RBPJ: variants seen among roughly 807,000 people sequenced by gnomAD.
RBPJ encodes the protein recombining binding protein suppressor of hairless.
In RBPJ, 9 loss-of-function variants were observed where a neutral mutation model predicts 67.8. The ratio of observed to expected loss-of-function variants is 0.13; its 90% CI spans 0.08 to 0.23. The LOEUF (loss-of-function observed/expected upper bound fraction) is 0.23, where lower values mean the gene tolerates loss of function less well. Among genes scored for constraint, RBPJ ranks in the 10% least tolerant of loss-of-function variants. The pLI is 1.00. For synonymous variants in RBPJ, 198 were observed against 203.3 expected (o/e 0.97, Z 0.22); for missense variants, 305 against 595.6 (o/e 0.51, Z 5.08).
chr4:26,278,962 A>G (rs532204206), intron 1 of RBPJ, among the ~76,000 whole-genome samples: 4 of 152,280 alleles, frequency 2.6e-5, no homozygotes, highest in African/African-American at 9.6e-5. Flanking sequence ...CCGTGGGAGC[A>G]GGGTGGTTGT....
At chr4:26,151,119 G>A in the RBPJ span, among the ~76,000 whole-genome samples, 1 of 152,146 alleles carries the variant, frequency 6.6e-6, no homozygotes, top group African/African-American at 2.4e-5. Flanking sequence ...ATACCAAATG[G>A]CACCGAAGCA....
chr4:26,227,371 G>A (rs928549874), intron 1 of RBPJ, among the ~76,000 whole-genome samples: 1 of 152,130 alleles, frequency 6.6e-6, no homozygotes, highest in Non-Finnish European at 1.5e-5. Flanking sequence ...ATAATAAATG[G>A]AAAATAATAA....
intron 1 of RBPJ, among the ~76,000 whole-genome samples, chr4:26,327,113 T>C (rs555385657): frequency 6.6e-6 from 1 of 152,268 alleles, no homozygotes; most frequent in African/African-American, 2.4e-5. Context: ...CACAGTTCTG[T>C]ATGCCTCTTA....
At chr4:26,145,536 T>A in the RBPJ span, among the ~76,000 whole-genome samples, 103 of 152,374 alleles carry the variant, frequency 6.8e-4, no homozygotes, top group Non-Finnish European at 9.8e-4. Context: ...CAATGTCCTC[T>A]TCTGTAATTG....
chr4:26,375,788 G>GT (rs1319532149), intron 1 of RBPJ, among the ~76,000 whole-genome samples: 4 of 152,220 alleles, frequency 2.6e-5, no homozygotes, highest in African/African-American at 9.6e-5. Context: ...CATGTAGCAA[G>GT]TCAGGGGAAA....
At chr4:26,311,291 C>A (rs1722420780) in intron 1 of RBPJ, among the ~76,000 whole-genome samples, 1 of 152,070 alleles carries the variant, frequency 6.6e-6, no homozygotes, top group Non-Finnish European at 1.5e-5. Context: ...AATCCTAGCA[C>A]TTTGGGAGGT....
At chr4:26,155,347 C>T in the RBPJ span, among the ~76,000 whole-genome samples, 1 of 152,096 alleles carries the variant, frequency 6.6e-6, no homozygotes, top group African/African-American at 2.4e-5. Context: ...GGTGGGGAGC[C>T]AGGGGACCTA....
chr4:26,392,078 A>G (rs78119075), intron 2 of RBPJ, among the ~76,000 whole-genome samples: 2,225 of 152,242 alleles, frequency 0.015, 39 homozygotes, highest in Middle Eastern at 0.051. Flanking sequence ...CCCACCTCCT[A>G]TTAGGTTTCA....
At position 26,420,737 on chromosome 4, in the gene RBPJ, T is replaced by C; in HGVS notation, c.496+12T>C. The C allele has an allele frequency of 1.3e-6, 2 of 1,572,762 alleles. No homozygotes were observed. The highest frequency in any genetic ancestry group is 1.7e-6 in the Non-Finnish European group (2 of 1,159,930). On this transcript the variant is annotated intron_variant, in intron 5 of 10. Transcript: ENST00000355476. ...GAAAAATGCTGACTGTATGTATGCTTTTCTTATTTATCCCCAACTGCCACC... is the reference window on the plus strand; with the variant it reads ...GAAAAATGCTGACTGTATGTATGCTCTTCTTATTTATCCCCAACTGCCACC...
At chr4:26,303,059 T>C (rs777825330) in intron 1 of RBPJ, among the ~76,000 whole-genome samples, 2 of 151,824 alleles carry the variant, frequency 1.3e-5, no homozygotes, top group African/African-American at 2.4e-5. Flanking sequence ...CGCATGCCTG[T>C]AGTCTCAGCT....
Position 26,255,608 on chromosome 4 carries a change from C to T in RBPJ, c.-167+91994C>T, listed in dbSNP as rs551682810. Among the ~76,000 whole-genome samples the T allele has an allele frequency of 4.4e-3, 651 of 149,640 alleles. 15 individuals carry two copies. The highest frequency in any genetic ancestry group is 0.015 in the African/African-American group (620 of 40,654). On this transcript the variant is annotated intron_variant, in intron 1 of 4. Coordinates refer to the RBPJ transcript ENST00000512351. ...ACGAGGTCGGGAGATCGAGACCATC[C>T]TGGCTAACACGGTGAAACCCCGTCT...
intron 1 of RBPJ, among the ~76,000 whole-genome samples, chr4:26,241,540 C>A (rs557654957): frequency 6.6e-6 from 1 of 152,146 alleles, no homozygotes; most frequent in Admixed American, 6.5e-5. Context: ...GAGACAGAGT[C>A]TCCCTCTGTC....
rs555127301 is a variant in RBPJ at position 26,390,631 on chromosome 4, C to T, written c.59+4240C>T. Among the ~76,000 whole-genome samples the T allele has an allele frequency of 1.7e-4, 26 of 152,284 alleles. No homozygotes were observed. The South Asian group carries it at 5.0e-3, about 29-fold the overall frequency. On this transcript the variant is annotated intron_variant, in intron 2 of 10. Coordinates refer to ENST00000355476, the MANE Select transcript of RBPJ (RefSeq NM_015874.6). ...TGGAATTTGAAAGCAATACAATTTA[C>T]ACAGTAGTATAAAAATATATATCAG...
intron 1 of RBPJ, among the ~76,000 whole-genome samples, chr4:26,288,510 A>C (rs1721555230): frequency 6.6e-6 from 1 of 152,232 alleles, no homozygotes; most frequent in African/African-American, 2.4e-5. Flanking sequence ...CACGGGTTGC[A>C]CATTGTCACT....
At chr4:26,325,920 A>G (rs1412894089) in intron 1 of RBPJ, among the ~76,000 whole-genome samples, 1 of 152,230 alleles carries the variant, frequency 6.6e-6, no homozygotes, top group Admixed American at 6.5e-5. Context: ...TATTTAATAC[A>G]GTATTAAATG....
chr4:26,137,848 T>A, the RBPJ span, among the ~76,000 whole-genome samples: 6 of 152,144 alleles, frequency 3.9e-5, no homozygotes, highest in African/African-American at 1.4e-4. Flanking sequence ...CAGGAATGCA[T>A]ATTGACTGGA....
At chr4:26,255,675 G>T (rs539083320) in intron 1 of RBPJ, among the ~76,000 whole-genome samples, 1 of 151,308 alleles carries the variant, frequency 6.6e-6, no homozygotes, top group Non-Finnish European at 1.5e-5. Context: ...GGTGGCAGGT[G>T]CCTGTAGTCC....
In RBPJ at chr4:26,433,909, C is replaced by A. The variant is rs1420731901; in HGVS notation, c.*2902C>A. The A allele has an allele frequency of 6.6e-6, 1 of 152,126 alleles. No individual in the cohort carries two copies. The highest frequency in any genetic ancestry group is 1.9e-4 in the East Asian group (1 of 5,196). 9.4% of individuals were successfully genotyped at this position (152,126 alleles called of 1,614,324 possible). A position where few individuals can be genotyped will look rare whatever the true frequency, so the allele number is the denominator to read the frequency against. Reference sequence around the variant, plus strand: ...GACTCTCTTATTAGAATGGTGAGTGCTTCAGTTATAGTATGTTTGAATTTT... The same window carrying A: ...GACTCTCTTATTAGAATGGTGAGTGATTCAGTTATAGTATGTTTGAATTTT... On this transcript the variant is annotated 3_prime_UTR_variant, in exon 11 of 11. Transcript: ENST00000355476.
intron 1 of RBPJ, among the ~76,000 whole-genome samples, chr4:26,380,421 T>G (rs1325855797): frequency 6.6e-6 from 1 of 152,168 alleles, no homozygotes; most frequent in Non-Finnish European, 1.5e-5. Flanking sequence ...ATTTGGTGAA[T>G]GAACAAATCT....
Sources: allele counts gnomAD v4.1 joint callset (sites outside exome capture counted in the v4.1 genomes callset), GRCh38; gene constraint gnomAD v4.1.1; transcripts MANE v1.5; gene names NCBI Gene and HGNC (gene_info 2026-07-23, HGNC 2026-07-21).